Variants in THSD4 observed in about 807,000 individuals in gnomAD.
THSD4 encodes the protein thrombospondin type 1 domain containing 4, also known as thrombospondin type-1 domain-containing protein 4.
In THSD4, 69 loss-of-function variants were observed where a neutral mutation model predicts 119.0. The observed-to-expected ratio is 0.58, with a 90% confidence interval of 0.48 to 0.71. The LOEUF (loss-of-function observed/expected upper bound fraction) is 0.71, where lower values mean the gene tolerates loss of function less well. Ranked by LOEUF, THSD4 falls within the 30% of genes least tolerant of loss-of-function variation. THSD4 has a pLI of 0.00. For synonymous variants in THSD4, 524 were observed against 540.4 expected (o/e 0.97, Z 0.42); for missense variants, 1,393 against 1,391.1 (o/e 1.00, Z -0.02).
chr15:71,744,266 A>C (rs1228296696), intron 11 of THSD4, among the ~76,000 whole-genome samples: 1 of 151,998 alleles, frequency 6.6e-6, no homozygotes, highest in African/African-American at 2.4e-5. Flanking sequence ...CAAAAAACCT[A>C]AAACAGTTAT....
chr15:71,220,852 C>A (rs960530110), intron 4 of THSD4, among the ~76,000 whole-genome samples: 6 of 152,140 alleles, frequency 3.9e-5, no homozygotes, highest in Non-Finnish European at 7.3e-5. Flanking sequence ...CTCTCTGCCC[C>A]TTCTTAGTGT....
chr15:71,524,403 C>G (rs2048485632), intron 7 of THSD4, among the ~76,000 whole-genome samples: 2 of 152,110 alleles, frequency 1.3e-5, no homozygotes, highest in South Asian at 2.1e-4. Context: ...GCAGTTGCAG[C>G]AAGTATGTTT....
rs941286795 is a variant in THSD4 at position 71,737,274 on chromosome 15, C to G, written c.1631-458C>G. Among the ~76,000 whole-genome samples, 5 of 152,210 alleles carry G rather than the reference C, an allele frequency of 3.3e-5. No individual in the cohort carries two copies. In the East Asian group the frequency reaches 9.6e-4, roughly 29 times the overall value. ...GGATAAATAATGCCAGATTTCCCTC[C>G]AAAACCATGGATCTATTTGCAGGCT... is the stretch of plus-strand genomic sequence containing the variant. On this transcript the variant is annotated intron_variant, in intron 10 of 17. Coordinates refer to ENST00000261862, the MANE Select transcript of THSD4 (RefSeq NM_024817.3).
chr15:71,148,774 C>T (rs2040690591), intron 2 of THSD4, among the ~76,000 whole-genome samples: 1 of 152,186 alleles, frequency 6.6e-6, no homozygotes, highest in Admixed American at 6.5e-5. Context: ...TGAGGCCCCG[C>T]AGCACAGTGG....
intron 8 of THSD4, among the ~76,000 whole-genome samples, chr15:71,694,737 C>T (rs896419601): frequency 2.6e-5 from 4 of 152,178 alleles, no homozygotes; most frequent in African/African-American, 9.7e-5. Flanking sequence ...GCTGTTATAA[C>T]TCTGTGTAGC....
At chr15:71,489,165 T>G (rs1255833745) in intron 7 of THSD4, among the ~76,000 whole-genome samples, 1 of 152,174 alleles carries the variant, frequency 6.6e-6, no homozygotes, top group Non-Finnish European at 1.5e-5. Flanking sequence ...AGTATGACTA[T>G]GTAGCCAAAA....
At chr15:71,278,367 A>G (rs966873229) in intron 6 of THSD4, among the ~76,000 whole-genome samples, 2 of 152,002 alleles carry the variant, frequency 1.3e-5, no homozygotes, top group Admixed American at 6.6e-5. Flanking sequence ...TGTACTTTTT[A>G]TAGAGACAGG....
chr15:71,469,001 T>C, intron 7 of THSD4, among the ~76,000 whole-genome samples: 1 of 152,216 alleles, frequency 6.6e-6, no homozygotes, highest in South Asian at 2.1e-4. Context: ...ACCTGGTGGT[T>C]CTCTTACTGT....
chr15:71,452,542 T>A (rs925281277), intron 7 of THSD4, among the ~76,000 whole-genome samples: 5 of 148,014 alleles, frequency 3.4e-5, no homozygotes, highest in African/African-American at 1.2e-4. Context: ...AAAAAAAAAA[T>A]TCATATGTTA....
intron 11 of THSD4, among the ~76,000 whole-genome samples, chr15:71,742,993 TGTG>T (rs1193655792): frequency 1.3e-5 from 2 of 152,094 alleles, no homozygotes; most frequent in African/African-American, 2.4e-5. Context: ...AGGTGGAGGT[TGTG>T]GTGAGCAGAG....
intron 7 of THSD4, among the ~76,000 whole-genome samples, chr15:71,447,583 T>C (rs1399595800): frequency 1.3e-5 from 2 of 152,182 alleles, no homozygotes; most frequent in Non-Finnish European, 2.9e-5. Flanking sequence ...TGCCTCGAGG[T>C]AGGACTGTCT....
chr15:71,126,558 A>C (rs1172014633), intron 1 of THSD4, among the ~76,000 whole-genome samples: 1 of 152,198 alleles, frequency 6.6e-6, no homozygotes, highest in Non-Finnish European at 1.5e-5. Flanking sequence ...ATGGAAAATC[A>C]CTCATCACAC....
At chr15:71,375,235 G>A (rs1443241893) in intron 6 of THSD4, among the ~76,000 whole-genome samples, 14 of 152,208 alleles carry the variant, frequency 9.2e-5, no homozygotes, top group Admixed American at 8.5e-4. Flanking sequence ...ATGAGGCAGA[G>A]TATGTGCATG....
chr15:71,135,227 GT>G (rs1377156395), intron 1 of THSD4, among the ~76,000 whole-genome samples: 2 of 100,450 alleles, frequency 2.0e-5, no homozygotes. Flanking sequence ...TGGGGTGGGG[GT>G]AGGGGGGAGG....
intron 6 of THSD4, among the ~76,000 whole-genome samples, chr15:71,354,979 T>A (rs1278872894): frequency 1.3e-5 from 2 of 152,238 alleles, no homozygotes; most frequent in African/African-American, 4.8e-5. Context: ...TGGACAAATC[T>A]ATTGCATCTG....
chr15:71,485,572 C>T (rs114023629), intron 7 of THSD4, among the ~76,000 whole-genome samples: 2,614 of 152,136 alleles, frequency 0.017, 66 homozygotes, highest in African/African-American at 0.06. Context: ...ACCAGCCTTG[C>T]TGGGCAGAAG....
In THSD4 at chr15:71,660,497, A is replaced by G. The variant is rs369465829; in HGVS notation, c.1153-33A>G. The G allele has an allele frequency of 5.1e-5, 83 of 1,613,042 alleles. 1 individual carries two copies. Among genetic ancestry groups the G allele is most frequent in the Non-Finnish European group, 6.9e-5 (81 of 1,179,356 alleles). On this transcript the variant is annotated intron_variant, in intron 7 of 17. Transcript: ENST00000261862. The stretch of plus-strand genomic sequence containing the variant: ...CTTCCTCTGCATGCTCCTGATACAT[A>G]CTATGAGTCTTTTGTTTTCTGTCTT...
At chr15:71,329,598 A>G (rs531144351) in intron 6 of THSD4, among the ~76,000 whole-genome samples, 108 of 152,310 alleles carry the variant, frequency 7.1e-4, no homozygotes, top group South Asian at 1.5e-3. Context: ...GTGAGATGTC[A>G]TGTCTCAGGC....
chr15:71,136,952 A>T (rs113527167), intron 1 of THSD4, among the ~76,000 whole-genome samples: 1,566 of 151,836 alleles, frequency 0.01, 25 homozygotes, highest in African/African-American at 0.035. Flanking sequence ...CCTCTGTCTG[A>T]CCCCACCGTC....
Sources: gnomAD v4.1 joint callset for allele counts (sites outside exome capture counted in the v4.1 genomes callset) on GRCh38, gnomAD v4.1.1 for gene constraint, MANE v1.5 for transcripts, NCBI Gene and HGNC (gene_info 2026-07-23, HGNC 2026-07-21) for gene names.